Variants in ADAMTS16 observed in about 807,000 individuals in gnomAD.
ADAMTS16 encodes ADAM metallopeptidase with thrombospondin type 1 motif 16, also known as A disintegrin and metalloproteinase with thrombospondin motifs 16.
Under a neutral mutation model 145.8 loss-of-function variants are expected in ADAMTS16, and 94 were observed. That is an observed-to-expected ratio of 0.64 (90% CI 0.55 to 0.77). ADAMTS16 has a LOEUF of 0.77. Among genes scored for constraint, ADAMTS16 ranks in the 30% least tolerant of loss-of-function variants. ADAMTS16 has a pLI of 0.00. For synonymous variants in ADAMTS16, 659 were observed against 604.3 expected, an observed-to-expected ratio of 1.09 and a Z score of -1.33; for missense variants, 1,585 against 1,591.5, an observed-to-expected ratio of 1.00 and a Z score of 0.07.
chr5:5,162,742 G>C (rs6877173), intron 3 of ADAMTS16, among the ~76,000 whole-genome samples: 99,264 of 151,544 alleles, frequency 0.66, 33,223 homozygotes, highest in Middle Eastern at 0.78. Flanking sequence ...AAGAGAGAGA[G>C]AGGAGAAGAG....
intron 10 of ADAMTS16, among the ~76,000 whole-genome samples, chr5:5,220,710 C>T (rs1414416223): frequency 6.6e-6 from 1 of 152,040 alleles, no homozygotes; most frequent in Non-Finnish European, 1.5e-5. Flanking sequence ...TGCATTTAGT[C>T]CCCAGGACAA....
At chr5:5,294,144 G>A (rs1207723347) in intron 18 of ADAMTS16, among the ~76,000 whole-genome samples, 4 of 152,220 alleles carry the variant, frequency 2.6e-5, no homozygotes, top group Non-Finnish European at 5.9e-5. Context: ...GAAGCTAGGG[G>A]ACAATTAAGG....
intron 9 of ADAMTS16, among the ~76,000 whole-genome samples, 197 bp from the exon 10 acceptor site, chr5:5,208,896 A>G (rs1421589691): frequency 1.3e-5 from 2 of 152,222 alleles, no homozygotes; most frequent in East Asian, 1.9e-4. Context: ...ATAATAAACA[A>G]TTTCAGAAAA....
rs944264043 is a variant in ADAMTS16 at position 5,287,947 on chromosome 5, C to T, written c.2790-15321C>T. 2.6e-5 allele frequency among the ~76,000 whole-genome samples: 4 copies of T among 152,210 alleles called. No homozygotes were observed. In the East Asian group the frequency reaches 7.7e-4, roughly 29 times the overall value. ...AGCATCCAGGTTCGCTGCAGGAGGA[C>T]ACCTGGAAAAAAATCTCAGAAAAAC... On this transcript the variant is annotated intron_variant, in intron 18 of 22. Transcript: ENST00000274181.
chr5:5,307,432 CCTGCTGCAGAGGCCCTGG>C (rs1490902561), intron 21 of ADAMTS16, among the ~76,000 whole-genome samples: 1 of 152,206 alleles, frequency 6.6e-6, no homozygotes, highest in Admixed American at 6.5e-5. Context: ...AGGCCCTCTG[CCTGCTGCAGAGGCCCTGG>C]CTCTGATTCT....
Position 5,220,241 on chromosome 5 carries a change from C to G in ADAMTS16, c.1606-2548C>G, listed in dbSNP as rs1324916262. Among the ~76,000 whole-genome samples, 4 of 150,176 alleles carry G rather than the reference C, an allele frequency of 2.7e-5. No homozygotes were observed. The East Asian group carries it at 7.8e-4, about 29-fold the overall frequency. On this transcript the variant is annotated intron_variant, in intron 10 of 22. Coordinates refer to ENST00000274181, the MANE Select transcript of ADAMTS16 (RefSeq NM_139056.4). ...GTGGTGCCATCTCGGCTCACTGCGA[C>G]CTCTAACTTCCAGGTTCACGCCATT...
At chr5:5,187,562 G>A (rs2126570671) in intron 5 of ADAMTS16, among the ~76,000 whole-genome samples, 163 bp from the exon 6 acceptor site, 1 of 152,320 alleles carries the variant, frequency 6.6e-6, no homozygotes, top group East Asian at 1.9e-4. Context: ...TGAAGCTTCG[G>A]CTTTTTACCG....
rs374606834 is a variant in ADAMTS16 at position 5,280,363 on chromosome 5, G to A, written c.2789+17580G>A. 7.9e-5 allele frequency among the ~76,000 whole-genome samples: 12 copies of A among 152,298 alleles called. No individual in the cohort carries two copies. The East Asian group carries it at 1.7e-3, about 22-fold the overall frequency. ...GGAGTGAAGGACAATGGAGGGGTGTGTGTGTTTCAATTTATTATTGCTAAT... is the reference window on the plus strand; with the variant it reads ...GGAGTGAAGGACAATGGAGGGGTGTATGTGTTTCAATTTATTATTGCTAAT... On this transcript the variant is annotated intron_variant, in intron 18 of 22. Transcript: ENST00000274181.
intron 2 of ADAMTS16, chr5:5,142,511 C>T (rs1734194432): frequency 6.6e-6 from 1 of 152,264 alleles, no homozygotes; most frequent in Admixed American, 6.6e-5. Flanking sequence ...CCACAACAAG[C>T]TTTTATGCCA....
intron 3 of ADAMTS16, among the ~76,000 whole-genome samples, chr5:5,160,825 A>G (rs1384484862): frequency 6.6e-6 from 1 of 151,778 alleles, no homozygotes; most frequent in Non-Finnish European, 1.5e-5. Flanking sequence ...ATTGGCTGAG[A>G]ACTGGCAAAC....
At chr5:5,226,532 A>G (rs750312287) in intron 11 of ADAMTS16, among the ~76,000 whole-genome samples, 4 of 152,190 alleles carry the variant, frequency 2.6e-5, no homozygotes, top group African/African-American at 4.8e-5. Flanking sequence ...GCCAAACCAT[A>G]TAAGACATCC....
chr5:5,188,421 C>A (rs1735570110), intron 6 of ADAMTS16, among the ~76,000 whole-genome samples: 1 of 152,162 alleles, frequency 6.6e-6, no homozygotes, highest in South Asian at 2.1e-4. Flanking sequence ...CCCGTAAATG[C>A]ATAGAGGTGG....
At chr5:5,307,749 A>C (rs1263485953) in intron 21 of ADAMTS16, among the ~76,000 whole-genome samples, 4 of 152,204 alleles carry the variant, frequency 2.6e-5, no homozygotes, top group African/African-American at 9.6e-5. Context: ...CAACTGAGGC[A>C]CAGAGTCAGC....
intron 5 of ADAMTS16, among the ~76,000 whole-genome samples, chr5:5,186,474 A>C (rs1306290703): frequency 7.6e-6 from 1 of 131,838 alleles, no homozygotes; most frequent in Admixed American, 8.5e-5. Flanking sequence ...AGGAAAAATC[A>C]TTTGACCTTC....
chr5:5,312,668 G>A (rs533673123), intron 21 of ADAMTS16, among the ~76,000 whole-genome samples: 5 of 152,044 alleles, frequency 3.3e-5, no homozygotes, highest in African/African-American at 4.8e-5. Context: ...GGCTGGTCTC[G>A]AACTCCTGAC....
chr5:5,292,387 C>A (rs1739362331), intron 18 of ADAMTS16, among the ~76,000 whole-genome samples: 2 of 151,968 alleles, frequency 1.3e-5, no homozygotes, highest in South Asian at 4.2e-4. Context: ...ATCCCAGCTA[C>A]TTGGGAGGCT....
intron 18 of ADAMTS16, among the ~76,000 whole-genome samples, chr5:5,272,841 T>C (rs564690133): frequency 1.4e-4 from 21 of 152,138 alleles, no homozygotes; most frequent in Non-Finnish European, 2.8e-4. Flanking sequence ...ATTACTTGAG[T>C]TCAAGAAGCC....
chr5:5,298,344 A>G (rs1324286011), intron 18 of ADAMTS16, among the ~76,000 whole-genome samples: 1 of 152,226 alleles, frequency 6.6e-6, no homozygotes, highest in Non-Finnish European at 1.5e-5. Context: ...TCATTTACCT[A>G]CTTGGTCACA....
At chr5:5,274,131 G>A (rs534239473) in intron 18 of ADAMTS16, among the ~76,000 whole-genome samples, 18 of 151,894 alleles carry the variant, frequency 1.2e-4, no homozygotes, top group Admixed American at 4.6e-4. Context: ...GCCCACACTC[G>A]TCCACCCTTC....
Sources: allele counts gnomAD v4.1 joint callset (sites outside exome capture counted in the v4.1 genomes callset), GRCh38; gene constraint gnomAD v4.1.1; transcripts MANE v1.5; gene names NCBI Gene and HGNC (gene_info 2026-07-23, HGNC 2026-07-21).